The following NEMP2 variants were observed in gnomAD, a reference collection of about 807,000 sequenced individuals.
The protein encoded by NEMP2 is nuclear envelope integral membrane protein 2.
NEMP2 carries 53 observed loss-of-function variants against 54.2 expected under a neutral mutation model. The observed-to-expected ratio is 0.98, with a 90% CI of 0.78 to 1.23. The LOEUF (loss-of-function observed/expected upper bound fraction) is 1.23. NEMP2 is among the 50% of genes most tolerant of loss of function. NEMP2 has a pLI of 0.00. For synonymous variants in NEMP2, 197 were observed against 190.3 expected (o/e 1.04, Z -0.29); for missense variants, 455 against 511.3 (o/e 0.89, Z 1.06).
chr2:190,636,867 C>A, the NEMP2 span, among the ~76,000 whole-genome samples: 1 of 152,234 alleles, frequency 6.6e-6, no homozygotes, highest in African/African-American at 2.4e-5. Context: ...GTGGAGGCCA[C>A]CCTCAACTTC....
chr2:190,526,315 G>A (rs1213544285), intron 1 of NEMP2, among the ~76,000 whole-genome samples: 3 of 152,170 alleles, frequency 2.0e-5, no homozygotes, highest in Non-Finnish European at 4.4e-5. Flanking sequence ...CAGGAAGACA[G>A]AGGGCAATGA....
chr2:190,561,320 A>G, the NEMP2 span, among the ~76,000 whole-genome samples: 1,714 of 152,298 alleles, frequency 0.011, 37 homozygotes, highest in African/African-American at 0.038. The surrounding 1 kb of genome is among the most constrained non-coding windows in gnomAD (Gnocchi z 5.4). Context: ...TGTAGCAAAT[A>G]ATGAAAACTA....
chr2:190,456,877 T>C, the NEMP2 span, among the ~76,000 whole-genome samples: 1 of 152,216 alleles, frequency 6.6e-6, no homozygotes, highest in East Asian at 1.9e-4. The surrounding 1 kb of genome is among the most constrained non-coding windows in gnomAD (Gnocchi z 5.4). Flanking sequence ...GCTTTTCTCC[T>C]TTGATCTAGG....
the NEMP2 span, among the ~76,000 whole-genome samples, chr2:190,627,593 G>GAAAA: frequency 7.0e-6 from 1 of 141,986 alleles, no homozygotes; most frequent in African/African-American, 2.5e-5. The surrounding 1 kb of genome is among the most constrained non-coding windows in gnomAD (Gnocchi z 4.4). Context: ...AGTTCTTAGG[G>GAAAA]AAAAAAAAAA....
the NEMP2 span, among the ~76,000 whole-genome samples, chr2:190,446,949 T>C: frequency 1.3e-5 from 2 of 152,204 alleles, no homozygotes; most frequent in South Asian, 2.1e-4. Flanking sequence ...TCTGAAAATA[T>C]GGTAGGCCTG....
In NEMP2 at chr2:190,514,506, G is replaced by T; in HGVS notation, c.900C>A (p.Leu300=). 1 of 1,551,668 alleles carries T rather than the reference G, an allele frequency of 6.4e-7. No homozygotes were observed. The highest frequency in any genetic ancestry group is 1.4e-5 in the African/African-American group (1 of 73,182). Residue 300 remains leucine, a synonymous_variant, in exon 7 of 9, where the codon CTC becomes CTA. Coordinates refer to ENST00000409150, the MANE Select transcript of NEMP2 (RefSeq NM_001142645.2). The surrounding 1 kb of genome is among the most constrained non-coding windows in gnomAD (Gnocchi z 5.7). ...PQFAYAAIIL[L]MSSWSLHYPL... ...GGTAGTGCAGACTCCAGGAGGACATGAGGAGGATTATGGCTGCATAGGCAA... is the reference window on the plus strand; with the variant it reads ...GGTAGTGCAGACTCCAGGAGGACATTAGGAGGATTATGGCTGCATAGGCAA...
chr2:190,607,486 A>C, the NEMP2 span, among the ~76,000 whole-genome samples: 3 of 152,154 alleles, frequency 2.0e-5, no homozygotes, highest in Admixed American at 2.0e-4. This position sits in a 1 kb window ranked among gnomAD's most constrained non-coding sequence, Gnocchi z 5.2. Context: ...ATCCAAAGTG[A>C]TTCTAATACA....
the NEMP2 span, among the ~76,000 whole-genome samples, chr2:190,638,197 G>A: frequency 6.6e-6 from 1 of 152,174 alleles, no homozygotes; most frequent in Non-Finnish European, 1.5e-5. This position sits in a 1 kb window ranked among gnomAD's most constrained non-coding sequence, Gnocchi z 5.7. Context: ...AGACCACTGT[G>A]CTACATGGGG....
chr2:190,573,997 G>A, the NEMP2 span, among the ~76,000 whole-genome samples: 1 of 152,182 alleles, frequency 6.6e-6, no homozygotes, highest in Non-Finnish European at 1.5e-5. Flanking sequence ...TTAGCATTCT[G>A]CCAAATGTCA....
At chr2:190,639,642 T>TG in the NEMP2 span, among the ~76,000 whole-genome samples, 4 of 151,818 alleles carry the variant, frequency 2.6e-5, no homozygotes, top group Admixed American at 1.3e-4. Flanking sequence ...TTGAGTTTTT[T>TG]TTTTTTGTTT....
chr2:190,534,216 G>A (rs772307163), intron 1 of NEMP2: 2 of 1,076,554 alleles, frequency 1.9e-6, no homozygotes, highest in Non-Finnish European at 2.3e-6. Flanking sequence ...CTGGAGACTA[G>A]GGTCAGCTGT....
the NEMP2 span, among the ~76,000 whole-genome samples, chr2:190,542,276 A>G: frequency 1.3e-5 from 2 of 152,090 alleles, no homozygotes; most frequent in Non-Finnish European, 2.9e-5. This position sits in a 1 kb window ranked among gnomAD's most constrained non-coding sequence, Gnocchi z 4.6. Flanking sequence ...CAGTGGTGCA[A>G]TCTTGGCTCA....
the NEMP2 span, among the ~76,000 whole-genome samples, chr2:190,453,143 T>G: frequency 1.3e-5 from 2 of 151,348 alleles, no homozygotes; most frequent in Admixed American, 1.3e-4. Context: ...ACATTGGGAG[T>G]GGATATAAAA....
chr2:190,456,211 G>T, the NEMP2 span, among the ~76,000 whole-genome samples: 1 of 152,090 alleles, frequency 6.6e-6, no homozygotes, highest in Admixed American at 6.5e-5. This position sits in a 1 kb window ranked among gnomAD's most constrained non-coding sequence, Gnocchi z 5.4. Context: ...AAAGTGCTAG[G>T]ATTACAGGTG....
chr2:190,476,271 A>G, the NEMP2 span, among the ~76,000 whole-genome samples: 8 of 152,208 alleles, frequency 5.3e-5, no homozygotes, highest in Non-Finnish European at 7.3e-5. Context: ...TGAACAGGCA[A>G]CCTACAGAAT....
the NEMP2 span, chr2:190,624,393 A>G: frequency 6.6e-6 from 1 of 152,184 alleles, no homozygotes; most frequent in Non-Finnish European, 1.5e-5. Flanking sequence ...GAAGTTCCTC[A>G]AAAAAATTAT....
the NEMP2 span, among the ~76,000 whole-genome samples, chr2:190,455,934 C>CCTTT: frequency 1.5e-5 from 1 of 65,370 alleles, no homozygotes; most frequent in Non-Finnish European, 2.5e-5. Flanking sequence ...ATTTACTCTG[C>CCTTT]TTTTTTTTTT....
At chr2:190,498,419 G>A in the NEMP2 span, among the ~76,000 whole-genome samples, 1 of 151,988 alleles carries the variant, frequency 6.6e-6, no homozygotes, top group South Asian at 2.1e-4. This position sits in a 1 kb window ranked among gnomAD's most constrained non-coding sequence, Gnocchi z 5.9. Flanking sequence ...TAGCTTCAGA[G>A]GACACATAAA....
intron 6 of NEMP2, among the ~76,000 whole-genome samples, chr2:190,515,659 AAAC>A (rs1690526877): frequency 6.6e-6 from 1 of 152,240 alleles, no homozygotes; most frequent in Non-Finnish European, 1.5e-5. Context: ...TTTTCAAGTA[AAAC>A]AACTTAATTG....
Sources: gnomAD v4.1 joint callset for allele counts (sites outside exome capture counted in the v4.1 genomes callset) on GRCh38, gnomAD v4.1.1 for gene constraint, Gnocchi (gnomAD v3.1) non-coding constraint, MANE v1.5 for transcripts, NCBI Gene and HGNC (gene_info 2026-07-23, HGNC 2026-07-21) for gene names.